Variants in ELP2 observed in about 807,000 individuals in gnomAD.
The protein encoded by ELP2 is elongator complex protein 2.
A neutral mutation model predicts 119.2 loss-of-function variants in ELP2; 90 were observed. That is an observed-to-expected ratio of 0.75 (90% CI 0.64 to 0.90). ELP2 has a LOEUF of 0.90. ELP2 is among the 40% of genes least tolerant of loss of function. The pLI, the probability that ELP2 is intolerant of heterozygous loss-of-function variation, is 0.00. For missense variants in ELP2, 921 were observed against 967.8 expected, an observed-to-expected ratio of 0.95 and a Z score of 0.64; for synonymous variants, 339 against 331.0, an observed-to-expected ratio of 1.02 and a Z score of -0.26.
chr18:36,138,830 T>G lies in ELP2; in HGVS notation c.481T>G (p.Phe161Val). 8 of 1,614,012 alleles carry G rather than the reference T, an allele frequency of 5.0e-6. No individual in the cohort carries two copies. The highest frequency in any genetic ancestry group is 5.9e-6 in the Non-Finnish European group (7 of 1,179,940). Residue 161 changes from phenylalanine (F) to valine (V), a missense_variant, in exon 5 of 22, where the codon TTT becomes GTT. Transcript: ENST00000358232. ...CLQTLNFGNG[F>V]ALALCLSFLP... ...TCAGACTTTAAACTTTGGAAATGGA[T>G]TTGCTTTGGCTCTCTGCTTATCTTT... is the stretch of plus-strand genomic sequence containing the variant.
At chr18:36,167,066 C>T (rs756612754) in intron 18 of ELP2, 35 bp from the exon 19 acceptor site, 1 of 1,562,088 alleles carries the variant, frequency 6.4e-7, no homozygotes. Context: ...CCAGCTTTCT[C>T]TGCTTTGTGA....
chr18:36,142,928 T>C lies in ELP2; in HGVS notation c.758T>C (p.Ile253Thr), dbSNP rs746112265. The change falls in exon 8 of 22, where the codon ATA (isoleucine) becomes ACA (threonine). Residue 253 changes from isoleucine (I) to threonine (T), a missense_variant. Ile to Thr is a moderately conservative substitution (Grantham distance 89). Coordinates refer to ENST00000358232, the MANE Select transcript of ELP2 (RefSeq NM_018255.4). ...TSLETQDDDN[I>T]RLKENTFTIE... is the part of the protein sequence containing the mutation. ...TTAGAAACTCAGGATGACGATAACATAAGACTGAAAGAAAATACTTTTACC... is the reference window on the plus strand; with the variant it reads ...TTAGAAACTCAGGATGACGATAACACAAGACTGAAAGAAAATACTTTTACC... The C allele has an allele frequency of 5.7e-6, 9 of 1,592,844 alleles. No homozygotes were observed. In the Admixed American group the frequency reaches 6.8e-5, roughly 12 times the overall value.
At chr18:36,136,129 G>A (rs1789551) in intron 2 of ELP2, among the ~76,000 whole-genome samples, 178 bp from the exon 3 acceptor site, 54,711 of 152,008 alleles carry the variant, frequency 0.36, 9,956 homozygotes, top group Middle Eastern at 0.44. Flanking sequence ...CCTCCTAAAA[G>A]GTGTGTGTGT....
intron 21 of ELP2, among the ~76,000 whole-genome samples, chr18:36,174,268 C>T (rs2091167441): frequency 1.3e-5 from 2 of 151,750 alleles, no homozygotes; most frequent in East Asian, 3.9e-4. Flanking sequence ...GTGTCTTGCT[C>T]ATTTTGGTGA....
chr18:36,131,416 C>T (rs1450782803), intron 1 of ELP2, among the ~76,000 whole-genome samples: 1 of 152,266 alleles, frequency 6.6e-6, no homozygotes, highest in African/African-American at 2.4e-5. Flanking sequence ...ACAGCGTCTC[C>T]TCATCCAGCG....
intron 9 of ELP2, among the ~76,000 whole-genome samples, chr18:36,145,743 G>T (rs1165642622): frequency 6.6e-6 from 1 of 152,148 alleles, no homozygotes; most frequent in Non-Finnish European, 1.5e-5. Flanking sequence ...TTTATTGCAC[G>T]GTAGTAGTCT....
rs1205111459 is a variant in ELP2, at chr18:36,146,272, G to C, written c.1016G>C (p.Gly339Ala). 6.2e-7 allele frequency: 1 copy of C among 1,614,040 alleles called. No individual in the cohort carries two copies. Among genetic ancestry groups the C allele is most frequent in the Non-Finnish European group, 8.5e-7 (1 of 1,179,962 alleles). ...LEQVRVGEVG[G>A]NTLGFYDCQF... ...CAGGTTCGAGTAGGTGAAGTAGGTG[G>C]GAATACTTTGGGATTTTATGATTGC... The change falls in exon 11 of 22, where the codon GGG (glycine) becomes GCG (alanine). Residue 339 changes from glycine to alanine, a missense_variant. By Grantham distance (60) the Gly-to-Ala change is moderately conservative. Transcript: ENST00000358232.
At chr18:36,160,909 C>G in intron 16 of ELP2, 23 bp from the exon 17 acceptor site, 1 of 1,543,570 alleles carries the variant, frequency 6.5e-7, no homozygotes, top group South Asian at 1.1e-5. Flanking sequence ...GCTAATAGTA[C>G]TTTTTTTCTT....
chr18:36,178,508 A>G lies in ELP2; in HGVS notation c.*3867A>G, dbSNP rs192428755. On this transcript the variant is annotated 3_prime_UTR_variant, in exon 22 of 22. Coordinates refer to ENST00000358232, the MANE Select transcript of ELP2 (RefSeq NM_018255.4). ...TTTGCCTCTTGATCTGAACTAGCCA[A>G]TCAATCTTGTAAAAATGTGCTTAAG... The G allele has an allele frequency of 1.3e-5, 2 of 152,352 alleles. No individual in the cohort carries two copies. Among genetic ancestry groups the G allele is most frequent in the East Asian group, 3.9e-4 (2 of 5,176 alleles). The allele number at this position is 152,352 out of a possible 1,614,324, so 9.4% of individuals were successfully genotyped here.
At chr18:36,131,707 A>T (rs2089635747) in intron 1 of ELP2, among the ~76,000 whole-genome samples, 1 of 152,236 alleles carries the variant, frequency 6.6e-6, no homozygotes, top group Admixed American at 6.5e-5. Flanking sequence ...ATCTGCTTTT[A>T]AGATGATTAT....
chr18:36,165,026 G>A, intron 18 of ELP2: 1 of 265,020 alleles, frequency 3.8e-6, no homozygotes, highest in East Asian at 9.7e-5. Flanking sequence ...GATTTTATGG[G>A]ACAGGAATAA....
At chr18:36,138,183 G>A in intron 3 of ELP2, 87 bp from the exon 4 acceptor site, 1 of 1,425,612 alleles carries the variant, frequency 7.0e-7, no homozygotes, top group Non-Finnish European at 9.8e-7. Flanking sequence ...TTCTGGCTCA[G>A]CCATTTTATT....
At chr18:36,146,522 T>C (rs3737468) in intron 11 of ELP2, 141 bp downstream of exon 11, 57,532 of 860,840 alleles carry the variant, frequency 0.067, 2,373 homozygotes, top group East Asian at 0.14. Flanking sequence ...CTGTAGACAT[T>C]GTTAAGGTAT....
At chr18:36,138,234 T>C in intron 3 of ELP2, 36 bp from the exon 4 acceptor site, 1 of 1,582,434 alleles carries the variant, frequency 6.3e-7, no homozygotes, top group Non-Finnish European at 8.6e-7. Context: ...AAAAATCCTT[T>C]TTTTCACAAT....
chr18:36,132,725 C>G (rs1229143820), intron 1 of ELP2, among the ~76,000 whole-genome samples: 1 of 152,088 alleles, frequency 6.6e-6, no homozygotes, highest in African/African-American at 2.4e-5. Context: ...CATTGTGCCA[C>G]TGGGTCTGAA....
intron 16 of ELP2, 49 bp downstream of exon 16, chr18:36,160,064 T>C (rs780303569): frequency 2.0e-5 from 32 of 1,576,686 alleles, no homozygotes; most frequent in Non-Finnish European, 2.7e-5. Context: ...TCGTAACTTC[T>C]GACTTTTCCT....
chr18:36,141,167 G>T lies in ELP2; in HGVS notation c.554G>T (p.Cys185Phe). ...VPILACGNDD[C>F]RIHIFAQQND... Reference sequence around the variant, plus strand: ...ATATTAGCATGTGGCAATGATGATTGCAGAATTCACATATTTGCTCAACAA... The same window carrying T: ...ATATTAGCATGTGGCAATGATGATTTCAGAATTCACATATTTGCTCAACAA... Residue 185 changes from cysteine to phenylalanine, a missense_variant, in exon 6 of 22, where the codon TGC becomes TTC. Coordinates refer to ENST00000358232, the MANE Select transcript of ELP2 (RefSeq NM_018255.4). The T allele has an allele frequency of 6.2e-7, 1 of 1,613,840 alleles. No individual in the cohort carries two copies. The highest frequency in any genetic ancestry group is 8.5e-7 in the Non-Finnish European group (1 of 1,179,844).
At position 36,174,729 on chromosome 18, in the gene ELP2, A is replaced by G; in HGVS notation, c.*88A>G. On this transcript the variant is annotated 3_prime_UTR_variant, in exon 22 of 22. Coordinates refer to ENST00000358232, the MANE Select transcript of ELP2 (RefSeq NM_018255.4). ...CATCTTTACCTTCATAACTGAATTG[A>G]GTTTCTGGGTTTTTTTTTTTTTTGA... is the stretch of plus-strand genomic sequence containing the variant. 1 of 1,289,894 alleles carries G rather than the reference A, an allele frequency of 7.8e-7. No homozygotes were observed. The highest frequency in any genetic ancestry group is 1.1e-6 in the Non-Finnish European group (1 of 926,512). 79.9% of individuals were successfully genotyped at this position (1,289,894 alleles called of 1,614,324 possible).
In ELP2 at chr18:36,164,499, A is replaced by G. The variant is rs1327697110; in HGVS notation, c.1786A>G (p.Ile596Val). 8 of 1,613,982 alleles carry G rather than the reference A, an allele frequency of 5.0e-6. No homozygotes were observed. Among genetic ancestry groups the G allele is most frequent in the East Asian group, 2.2e-5 (1 of 44,886 alleles). ...GGCAGCTAAGAAAGAGCATGCAGCT[A>G]TCATTCTTTGGAACACTACATCTTG... Reference protein sequence around the residue: ...CKAAKKEHAAIILWNTTSWKQ... With the variant: ...CKAAKKEHAAVILWNTTSWKQ... The change falls in exon 18 of 22, where the codon ATC (isoleucine) becomes GTC (valine). Residue 596 changes from isoleucine (I) to valine (V), a missense_variant. By Grantham distance (29) the Ile-to-Val change is conservative. Coordinates refer to ENST00000358232, the MANE Select transcript of ELP2 (RefSeq NM_018255.4).
Sources: gnomAD v4.1 joint callset for allele counts (sites outside exome capture counted in the v4.1 genomes callset) on GRCh38, gnomAD v4.1.1 for gene constraint, MANE v1.5 for transcripts, NCBI Gene and HGNC (gene_info 2026-07-23, HGNC 2026-07-21) for gene names.